Variants in ZC3H6 observed in about 807,000 individuals in gnomAD.
ZC3H6 encodes the protein zinc finger CCCH domain-containing protein 6.
ZC3H6 carries 40 observed loss-of-function variants against 107.7 expected under a neutral mutation model. The observed-to-expected ratio is 0.37, with a 90% CI of 0.29 to 0.48. The LOEUF (loss-of-function observed/expected upper bound fraction) is 0.48. Among genes scored for constraint, ZC3H6 ranks in the 20% least tolerant of loss-of-function variants. The pLI, the probability that ZC3H6 is intolerant of heterozygous loss-of-function variation, is 0.98. For missense variants in ZC3H6, 1,267 were observed against 1,410.4 expected (o/e 0.90, Z 1.63); for synonymous variants, 493 against 487.9 (o/e 1.01, Z -0.14).
chr2:112,306,019 A>G (rs1676471127), intron 3 of ZC3H6, among the ~76,000 whole-genome samples: 1 of 152,036 alleles, frequency 6.6e-6, no homozygotes, highest in Non-Finnish European at 1.5e-5. Context: ...CTTTAAACCT[A>G]TCTATTAAGT....
Position 112,331,089 on chromosome 2 carries a change from CAG to C in ZC3H6, c.2173_2174del (p.Glu725AsnfsTer17), listed in dbSNP as rs1240641354. The C allele has an allele frequency of 6.2e-7, 1 of 1,607,990 alleles. No individual in the cohort carries two copies. The highest frequency in any genetic ancestry group is 8.5e-7 in the Non-Finnish European group (1 of 1,177,030). On this transcript the variant is annotated frameshift_variant, in exon 12 of 12. Coordinates refer to ENST00000409871, the MANE Select transcript of ZC3H6 (RefSeq NM_198581.3). LOFTEE classifies it high-confidence loss of function. ...ATACTGAAAACATTACAGAAACAAA[CAG>C]AAACTTTAAGGAATCAGCAACAACC...
At chr2:112,327,691 G>A (rs1573965823) in intron 11 of ZC3H6, among the ~76,000 whole-genome samples, 1 of 152,116 alleles carries the variant, frequency 6.6e-6, no homozygotes, top group South Asian at 2.1e-4. Flanking sequence ...TTTGTGTATG[G>A]TGAGAGATAG....
At chr2:112,279,532 G>A (rs1686490325) in intron 1 of ZC3H6, among the ~76,000 whole-genome samples, 1 of 152,120 alleles carries the variant, frequency 6.6e-6, no homozygotes, top group Non-Finnish European at 1.5e-5. Context: ...TTGGGAGGAG[G>A]TTTATAATAC....
intron 3 of ZC3H6, 91 bp downstream of exon 3, chr2:112,303,442 G>C (rs1676422241): frequency 1.1e-6 from 1 of 919,900 alleles, no homozygotes; most frequent in Admixed American, 2.8e-5. Context: ...GTGATATTAA[G>C]TATATTGACA....
In ZC3H6 at chr2:112,332,705, TTA is replaced by T; in HGVS notation, c.*219_*220del. On this transcript the variant is annotated 3_prime_UTR_variant, in exon 12 of 12. Coordinates refer to ENST00000409871, the MANE Select transcript of ZC3H6 (RefSeq NM_198581.3). ...AGACTGTAGTAATTGACCTAAAAAC[TTA>T]TGTTAGCTTCAGTAAAAGTACTTTT... 1 of 368,268 alleles carries T rather than the reference TTA, an allele frequency of 2.7e-6. No homozygotes were observed. 22.8% of individuals were successfully genotyped at this position (368,268 alleles called of 1,614,324 possible).
chr2:112,276,075 TG>T, intron 1 of ZC3H6, 49 bp downstream of exon 1: 2 of 1,523,778 alleles, frequency 1.3e-6, no homozygotes, highest in Non-Finnish European at 1.8e-6. Context: ...AGGAGGGGTC[TG>T]GGGCGGCGGG....
At position 112,331,289 on chromosome 2, in the gene ZC3H6, A is replaced by G; in HGVS notation, c.2371A>G (p.Asn791Asp). ...GTGGGATCCCAGGAAATTGAGAGGG[A>G]ATGGAAGTGGTCACATAGGCTCTTC... ...LAWDPRKLRG[N>D]GSGHIGSSVG... Residue 791 changes from asparagine (N) to aspartate (D), a missense_variant, in exon 12 of 12, where the codon AAT becomes GAT. Physicochemically the swap from Asn to Asp is conservative, Grantham distance 23. Around this residue, in one of 3 missense-constraint regions of ZC3H6, gnomAD observed 925 missense variants for 1,025.7 expected, o/e 0.90. Coordinates refer to ENST00000409871, the MANE Select transcript of ZC3H6 (RefSeq NM_198581.3). The G allele has an allele frequency of 6.2e-7, 1 of 1,613,680 alleles. No individual in the cohort carries two copies. Among genetic ancestry groups the G allele is most frequent in the East Asian group, 2.2e-5 (1 of 44,876 alleles).
At chr2:112,292,618 A>G (rs1351917867) in intron 1 of ZC3H6, among the ~76,000 whole-genome samples, 8 of 152,202 alleles carry the variant, frequency 5.3e-5, no homozygotes, top group East Asian at 1.9e-4. Flanking sequence ...CAGTTTGACT[A>G]TAGGTTAGTC....
At chr2:112,318,579 C>T (rs1446047793) in intron 7 of ZC3H6, among the ~76,000 whole-genome samples, 1 of 152,166 alleles carries the variant, frequency 6.6e-6, no homozygotes, top group East Asian at 1.9e-4. Context: ...ACTGAGATAA[C>T]ATTTGCAGCT....
At chr2:112,295,671 C>A (rs1676218418) in intron 1 of ZC3H6, among the ~76,000 whole-genome samples, 1 of 152,130 alleles carries the variant, frequency 6.6e-6, no homozygotes, top group Non-Finnish European at 1.5e-5. Context: ...TCCTCTTTCT[C>A]TCGCATTTTT....
At chr2:112,330,941 A>G (rs905109477) in intron 11 of ZC3H6, 64 bp from the exon 12 acceptor site, 3 of 540,586 alleles carry the variant, frequency 5.5e-6, no homozygotes, top group African/African-American at 4.1e-5. Flanking sequence ...ATTATAATAT[A>G]ATAATTTTAT....
At position 112,338,973 on chromosome 2, in the gene ZC3H6, C is replaced by A. The variant is rs943692757; in HGVS notation, c.*6485C>A. The stretch of plus-strand genomic sequence containing the variant: ...ACCCAGGCTGGAGTACAGCTCACAG[C>A]AACCTCTGCCTCCCAGGTTCAAGCA... On this transcript the variant is annotated 3_prime_UTR_variant, in exon 12 of 12. Transcript: ENST00000409871. 3 of 148,872 alleles carry A rather than the reference C, an allele frequency of 2.0e-5. No homozygotes were observed. The highest frequency in any genetic ancestry group is 6.8e-5 in the Admixed American group (1 of 14,734). 9.2% of individuals were successfully genotyped at this position (148,872 alleles called of 1,614,324 possible).
chr2:112,310,195 G>C lies in ZC3H6; in HGVS notation c.613+34G>C, dbSNP rs769758217. On this transcript the variant is annotated intron_variant, in intron 4 of 11. Transcript: ENST00000409871. ...GAAATTACAGTCTGTCTTAGAATGT[G>C]AGAACCTTATTAAAACAGGCAGCTA... The C allele has an allele frequency of 1.9e-6, 3 of 1,581,576 alleles. No individual in the cohort carries two copies. The Admixed American group carries it at 5.5e-5, about 29-fold the overall frequency.
At chr2:112,315,177 T>G (rs139058576) in intron 5 of ZC3H6, among the ~76,000 whole-genome samples, 1 of 152,222 alleles carries the variant, frequency 6.6e-6, no homozygotes, top group Non-Finnish European at 1.5e-5. Context: ...AAAATAATGT[T>G]GTTTTTTAGA....
chr2:112,275,765 C>G lies in ZC3H6; in HGVS notation c.-230C>G. On this transcript the variant is annotated 5_prime_UTR_variant, in exon 1 of 12. Transcript: ENST00000409871. ...AGCGGCAGCGCCGGCAGCGCGGGGC[C>G]GTTGCCCAGTGTTTGCAGTTAGAGC... The G allele has an allele frequency of 2.3e-6, 1 of 444,298 alleles. No homozygotes were observed. The highest frequency in any genetic ancestry group is 4.0e-6 in the Non-Finnish European group (1 of 249,894). The allele number at this position is 444,298 out of a possible 1,614,324, so 27.5% of individuals were successfully genotyped here.
chr2:112,303,690 T>C (rs957866933), intron 3 of ZC3H6, among the ~76,000 whole-genome samples: 15 of 152,210 alleles, frequency 9.9e-5, no homozygotes, highest in African/African-American at 2.9e-4. Context: ...ATTTTAAAAG[T>C]TCACCCAAGC....
At chr2:112,301,417 A>G (rs1365150058) in intron 2 of ZC3H6, among the ~76,000 whole-genome samples, 2 of 152,250 alleles carry the variant, frequency 1.3e-5, no homozygotes, top group Admixed American at 6.5e-5. Flanking sequence ...GGAAGGAAGC[A>G]GAAGAGGCAT....
At chr2:112,310,212 A>T in intron 4 of ZC3H6, 51 bp downstream of exon 4, 3 of 1,548,170 alleles carry the variant, frequency 1.9e-6, no homozygotes, top group Non-Finnish European at 2.6e-6. Flanking sequence ...TTATTAAAAC[A>T]GGCAGCTATG....
At chr2:112,283,802 G>C (rs1686564130) in intron 1 of ZC3H6, among the ~76,000 whole-genome samples, 1 of 152,108 alleles carries the variant, frequency 6.6e-6, no homozygotes, top group African/African-American at 2.4e-5. Context: ...TGCTGGACTG[G>C]GATTTTGGGC....
Sources: allele counts gnomAD v4.1 joint callset (sites outside exome capture counted in the v4.1 genomes callset), GRCh38; gene constraint gnomAD v4.1.1; regional missense constraint gnomAD v4.1.1; transcripts MANE v1.5; gene names NCBI Gene and HGNC (gene_info 2026-07-23, HGNC 2026-07-21).